Variants in CFAP299 observed in about 807,000 individuals in gnomAD.
CFAP299 encodes cilia- and flagella-associated protein 299.
Under a neutral mutation model 27.0 loss-of-function variants are expected in CFAP299, and 21 were observed. The observed-to-expected ratio is 0.78, with a 90% CI of 0.55 to 1.12. CFAP299 has a LOEUF of 1.12. Ranked by LOEUF, CFAP299 falls within the 50% of genes most tolerant of loss-of-function variation. The probability of loss-of-function intolerance (pLI) is 0.00; values close to 1 mark genes in which losing one functional copy is unlikely to be tolerated. For synonymous variants in CFAP299, 104 were observed against 98.1 expected (o/e 1.06, Z -0.36); for missense variants, 310 against 276.6 (o/e 1.12, Z -0.86).
At chr4:80,818,193 T>C (rs548253501) in intron 3 of CFAP299, among the ~76,000 whole-genome samples, 114 of 152,348 alleles carry the variant, frequency 7.5e-4, no homozygotes, top group Admixed American at 1.2e-3. Flanking sequence ...CATTCCATTT[T>C]ATGACTGCAT....
At chr4:80,858,090 T>C (rs1578189031) in intron 3 of CFAP299, among the ~76,000 whole-genome samples, 1 of 152,186 alleles carries the variant, frequency 6.6e-6, no homozygotes, top group East Asian at 1.9e-4. Flanking sequence ...TCAGCTCCTG[T>C]TATTGGTCTA....
intron 4 of CFAP299, among the ~76,000 whole-genome samples, chr4:80,878,446 A>G (rs752226286): frequency 1.4e-4 from 22 of 152,206 alleles, no homozygotes; most frequent in Non-Finnish European, 2.8e-4. Context: ...TCATATCAGG[A>G]AGCACCTAAT....
chr4:80,481,313 T>C (rs189333743), intron 2 of CFAP299, among the ~76,000 whole-genome samples: 1 of 152,078 alleles, frequency 6.6e-6, no homozygotes. Flanking sequence ...TATCAACCAC[T>C]ACCAATAAAA....
chr4:80,812,927 C>T (rs1729229113), intron 3 of CFAP299, among the ~76,000 whole-genome samples: 1 of 152,076 alleles, frequency 6.6e-6, no homozygotes, highest in South Asian at 2.1e-4. Flanking sequence ...CATCTATGGA[C>T]ATTTCTGCAA....
chr4:80,905,376 T>A (rs1012390727), intron 4 of CFAP299, among the ~76,000 whole-genome samples: 2 of 152,200 alleles, frequency 1.3e-5, no homozygotes, highest in African/African-American at 4.8e-5. Flanking sequence ...ACATGGACTG[T>A]CTTCTGATTC....
intron 2 of CFAP299, among the ~76,000 whole-genome samples, chr4:80,459,963 G>T (rs1043896283): frequency 6.6e-6 from 1 of 152,180 alleles, no homozygotes; most frequent in African/African-American, 2.4e-5. Context: ...GCAAGGGTGT[G>T]TATGGAAGTT....
chr4:80,458,236 TCAAACTAATTTTTA>T, intron 2 of CFAP299, among the ~76,000 whole-genome samples: 1 of 152,302 alleles, frequency 6.6e-6, no homozygotes, highest in Admixed American at 6.5e-5. Context: ...AACAAATAAT[TCAAACTAATTTTTA>T]CAAATGTTTC....
chr4:80,889,456 T>A (rs1734140129), intron 4 of CFAP299, among the ~76,000 whole-genome samples: 1 of 151,910 alleles, frequency 6.6e-6, no homozygotes, highest in Non-Finnish European at 1.5e-5. Flanking sequence ...AATAGACCGA[T>A]AATAAGTAAC....
chr4:80,580,672 T>A lies in CFAP299; in HGVS notation c.243-2421T>A, dbSNP rs114974213. 3.3e-3 allele frequency among the ~76,000 whole-genome samples: 499 copies of A among 152,174 alleles called. 3 individuals are homozygous for A. The highest frequency in any genetic ancestry group is 6.8e-3 in the Middle Eastern group (2 of 294). On this transcript the variant is annotated intron_variant, in intron 2 of 5. Transcript: ENST00000358105. ...TGCTCTTATTTTCTGAGCAATCTAG[T>A]CTCAACCTTTGTTGGTTATGCTATA...
At chr4:80,948,055 A>C (rs921554891) in intron 5 of CFAP299, among the ~76,000 whole-genome samples, 3 of 152,178 alleles carry the variant, frequency 2.0e-5, no homozygotes, top group Non-Finnish European at 2.9e-5. Context: ...TGTAAGAGCA[A>C]CTCAGCTCTC....
At chr4:80,594,533 A>G (rs1736956515) in intron 3 of CFAP299, among the ~76,000 whole-genome samples, 1 of 152,210 alleles carries the variant, frequency 6.6e-6, no homozygotes, top group Admixed American at 6.5e-5. Context: ...TGCCCTTTCT[A>G]GAACATACCT....
At chr4:80,748,446 G>A (rs150051238) in intron 3 of CFAP299, among the ~76,000 whole-genome samples, 2 of 152,090 alleles carry the variant, frequency 1.3e-5, no homozygotes, top group East Asian at 3.9e-4. Flanking sequence ...CTTAGTCCTT[G>A]CAGATTTCTC....
intron 3 of CFAP299, among the ~76,000 whole-genome samples, chr4:80,634,682 T>C (rs915334126): frequency 1.3e-5 from 2 of 152,182 alleles, no homozygotes; most frequent in Non-Finnish European, 2.9e-5. Flanking sequence ...ATTTTTTTGA[T>C]GGGCTATTAT....
chr4:80,321,925 G>T, the CFAP299 span, among the ~76,000 whole-genome samples: 1 of 152,124 alleles, frequency 6.6e-6, no homozygotes, highest in Non-Finnish European at 1.5e-5. Context: ...GTCTCACCCA[G>T]CCCCCTTTGG....
intron 4 of CFAP299, among the ~76,000 whole-genome samples, chr4:80,912,493 G>A (rs1286374903): frequency 1.8e-4 from 27 of 152,160 alleles, no homozygotes; most frequent in Admixed American, 1.7e-3. Context: ...TGCCCTTGGA[G>A]GACATAGGCT....
chr4:80,463,521 A>G (rs1178712628), intron 2 of CFAP299, among the ~76,000 whole-genome samples: 2 of 152,168 alleles, frequency 1.3e-5, no homozygotes. Flanking sequence ...GGTAACTTAA[A>G]TAACAGACTT....
chr4:80,930,137 CA>C (rs1736542224), intron 4 of CFAP299, among the ~76,000 whole-genome samples: 1 of 152,080 alleles, frequency 6.6e-6, no homozygotes, highest in African/African-American at 2.4e-5. Flanking sequence ...AGTTCATCAC[CA>C]ATGGCCATTG....
At chr4:80,422,069 T>A (rs1727308455) in intron 2 of CFAP299, among the ~76,000 whole-genome samples, 1 of 152,166 alleles carries the variant, frequency 6.6e-6, no homozygotes, top group African/African-American at 2.4e-5. Flanking sequence ...ACCTAAGGGC[T>A]GATGGATAAT....
chr4:80,657,381 A>G (rs569516319), intron 3 of CFAP299, among the ~76,000 whole-genome samples: 2 of 152,304 alleles, frequency 1.3e-5, no homozygotes, highest in African/African-American at 4.8e-5. Context: ...TAAGTCTTCA[A>G]TCCATCTTAA....
Sources: gnomAD v4.1 joint callset for allele counts (sites outside exome capture counted in the v4.1 genomes callset) on GRCh38, gnomAD v4.1.1 for gene constraint, MANE v1.5 for transcripts, NCBI Gene and HGNC (gene_info 2026-07-23, HGNC 2026-07-21) for gene names.